Variants in RBMS3 observed in about 807,000 individuals in gnomAD.
The protein encoded by RBMS3 is RNA-binding motif, single-stranded-interacting protein 3.
A neutral mutation model predicts 66.8 loss-of-function variants in RBMS3; 27 were observed. The observed-to-expected ratio is 0.40, with a 90% CI of 0.30 to 0.56. RBMS3 has a LOEUF of 0.56. Ranked by LOEUF, RBMS3 falls within the 20% of genes least tolerant of loss-of-function variation. The pLI is 0.40. For synonymous variants in RBMS3, 188 were observed against 183.0 expected, an observed-to-expected ratio of 1.03 and a Z score of -0.22; for missense variants, 513 against 549.5, an observed-to-expected ratio of 0.93 and a Z score of 0.66.
At chr3:29,451,255 T>C (rs1231470908) in intron 2 of RBMS3, among the ~76,000 whole-genome samples, 1 of 152,170 alleles carries the variant, frequency 6.6e-6, no homozygotes, top group East Asian at 1.9e-4. Flanking sequence ...ATATTAAAAT[T>C]ATAGGATGAA....
intron 2 of RBMS3, among the ~76,000 whole-genome samples, chr3:29,470,653 T>A (rs1029032255): frequency 2.0e-5 from 3 of 152,020 alleles, no homozygotes; most frequent in African/African-American, 7.2e-5. Context: ...CCAGTAGACA[T>A]GTACATTGGT....
chr3:29,394,245 G>A (rs369230771), intron 1 of RBMS3, among the ~76,000 whole-genome samples: 6 of 152,100 alleles, frequency 3.9e-5, no homozygotes, highest in African/African-American at 4.8e-5. Flanking sequence ...TCTCCTATTC[G>A]CTTTCTGCAA....
At chr3:29,311,811 A>G (rs1309330301) in intron 1 of RBMS3, among the ~76,000 whole-genome samples, 1 of 151,772 alleles carries the variant, frequency 6.6e-6, no homozygotes, top group African/African-American at 2.4e-5. Context: ...TAAGGGTATG[A>G]AGAAATAAAA....
chr3:29,289,254 A>G (rs2032621578), intron 1 of RBMS3, among the ~76,000 whole-genome samples: 1 of 151,862 alleles, frequency 6.6e-6, no homozygotes, highest in African/African-American at 2.4e-5. Flanking sequence ...CTGTTAAGAG[A>G]AGGGTGGTCC....
At chr3:29,895,447 C>T (rs542521777) in intron 8 of RBMS3, among the ~76,000 whole-genome samples, 117 of 151,526 alleles carry the variant, frequency 7.7e-4, no homozygotes, top group African/African-American at 2.7e-3. Flanking sequence ...TCCTCCACCC[C>T]GCTATAGTTT....
At position 30,008,797 on chromosome 3, in the gene RBMS3, C is replaced by T. The variant is rs149966293; in HGVS notation, c.*4935C>T. The stretch of plus-strand genomic sequence containing the variant: ...AAACATTCTTAAGTATGAAATTGGT[C>T]CTTTAATCCAAATGCTCTTGGTCAT... On this transcript the variant is annotated 3_prime_UTR_variant, in exon 15 of 15. Coordinates refer to ENST00000383767, the MANE Select transcript of RBMS3 (RefSeq NM_001003793.3). The T allele has an allele frequency of 2.1e-3, 320 of 152,148 alleles. 2 individuals carry two copies. The highest frequency in any genetic ancestry group is 7.1e-3 in the African/African-American group (294 of 41,528). 9.4% of individuals were successfully genotyped at this position (152,148 alleles called of 1,614,324 possible).
At chr3:29,459,682 G>C (rs1225034441) in intron 2 of RBMS3, among the ~76,000 whole-genome samples, 1 of 152,172 alleles carries the variant, frequency 6.6e-6, no homozygotes, top group Non-Finnish European at 1.5e-5. Flanking sequence ...AGGTGAGTGG[G>C]GGAACCAAGG....
At chr3:29,542,621 A>G (rs895667016) in intron 3 of RBMS3, among the ~76,000 whole-genome samples, 1 of 152,182 alleles carries the variant, frequency 6.6e-6, no homozygotes, top group Non-Finnish European at 1.5e-5. Context: ...TTGGCCTTCC[A>G]AAGTGCTGGG....
intron 11 of RBMS3, among the ~76,000 whole-genome samples, chr3:29,943,454 A>G (rs1375506): frequency 0.22 from 33,628 of 151,756 alleles, 4,181 homozygotes; most frequent in East Asian, 0.51. Flanking sequence ...CTCTTTTTTC[A>G]TCTTTAAAAA....
chr3:30,010,246 T>TTTTAA lies in RBMS3; in HGVS notation c.*6388_*6392dup, dbSNP rs1400941187. 6.6e-6 allele frequency: 1 copy of TTTTAA among 152,226 alleles called. No homozygotes were observed. The highest frequency in any genetic ancestry group is 1.9e-4 in the East Asian group (1 of 5,200). 9.4% of individuals were successfully genotyped at this position (152,226 alleles called of 1,614,324 possible). A position where few individuals can be genotyped will look rare whatever the true frequency, so the allele number is the denominator to read the frequency against. ...AATTCTAAGGTGTTTCTGGTTTTAT[T>TTTTAA]TTTAATTTCTTCATCTGTACCACAG... On this transcript the variant is annotated 3_prime_UTR_variant, in exon 15 of 15. Coordinates refer to ENST00000383767, the MANE Select transcript of RBMS3 (RefSeq NM_001003793.3).
intron 4 of RBMS3, among the ~76,000 whole-genome samples, chr3:29,604,141 A>T (rs1054572628): frequency 2.6e-5 from 4 of 152,006 alleles, no homozygotes; most frequent in Admixed American, 1.3e-4. Context: ...TTGGAATAAT[A>T]AAACCAGATC....
chr3:29,958,225 TATA>T (rs528270081), intron 12 of RBMS3, among the ~76,000 whole-genome samples: 3 of 152,302 alleles, frequency 2.0e-5, no homozygotes, highest in South Asian at 2.1e-4. Flanking sequence ...CTGCAAGAAA[TATA>T]ATGTTTTCTA....
intron 6 of RBMS3, among the ~76,000 whole-genome samples, chr3:29,853,295 C>T (rs1043600736): frequency 2.0e-5 from 3 of 152,034 alleles, no homozygotes; most frequent in African/African-American, 7.2e-5. Flanking sequence ...GCACATGTAC[C>T]CCTGACCTTA....
chr3:29,609,479 A>AG (rs2149130929), intron 4 of RBMS3, among the ~76,000 whole-genome samples: 1 of 152,108 alleles, frequency 6.6e-6, no homozygotes, highest in South Asian at 2.1e-4. Context: ...GACACTTGGT[A>AG]GGGGGAGGGT....
chr3:29,369,521 C>G (rs1310886429), intron 1 of RBMS3, among the ~76,000 whole-genome samples: 1 of 147,256 alleles, frequency 6.8e-6, no homozygotes, highest in Non-Finnish European at 1.5e-5. Flanking sequence ...CACACACACA[C>G]ACACACACAC....
intron 6 of RBMS3, among the ~76,000 whole-genome samples, chr3:29,848,545 T>C (rs2058847753): frequency 6.6e-6 from 1 of 152,140 alleles, no homozygotes; most frequent in South Asian, 2.1e-4. Flanking sequence ...TATTTGTAAA[T>C]CTTTGCATAT....
chr3:29,720,296 C>A (rs1021397912), intron 4 of RBMS3, among the ~76,000 whole-genome samples: 3 of 152,000 alleles, frequency 2.0e-5, no homozygotes, highest in African/African-American at 7.3e-5. Flanking sequence ...TCATATGTAG[C>A]CATTGTAAGC....
At chr3:29,480,487 T>C (rs542301416) in intron 2 of RBMS3, among the ~76,000 whole-genome samples, 1 of 151,980 alleles carries the variant, frequency 6.6e-6, no homozygotes, top group Non-Finnish European at 1.5e-5. Context: ...AAGAACCAGA[T>C]GAAGGTAATG....
intron 7 of RBMS3, among the ~76,000 whole-genome samples, chr3:29,879,760 C>T (rs1203596554): frequency 1.3e-5 from 2 of 151,700 alleles, no homozygotes; most frequent in Admixed American, 6.6e-5. Context: ...TTTTTGATCC[C>T]CATTTATCTT....
Sources: allele counts gnomAD v4.1 joint callset (sites outside exome capture counted in the v4.1 genomes callset), GRCh38; gene constraint gnomAD v4.1.1; transcripts MANE v1.5; gene names NCBI Gene and HGNC (gene_info 2026-07-23, HGNC 2026-07-21).